FMN2: variants seen among roughly 807,000 people sequenced by gnomAD.
The protein encoded by FMN2 is formin-2.
Under a neutral mutation model 142.3 loss-of-function variants are expected in FMN2, and 51 were observed. The ratio of observed to expected loss-of-function variants is 0.36; its 90% CI spans 0.29 to 0.45. FMN2 has a LOEUF of 0.45. FMN2 is among the 20% of genes least tolerant of loss of function. FMN2 has a pLI of 1.00. For synonymous variants in FMN2, 882 were observed against 869.8 expected, an observed-to-expected ratio of 1.01 and a Z score of -0.25; for missense variants, 1,936 against 2,122.8, an observed-to-expected ratio of 0.91 and a Z score of 1.73.
At position 240,388,039 on chromosome 1, in the gene FMN2, G is replaced by A. The variant is rs186783498; in HGVS notation, c.4859-4472G>A. 1.2e-3 allele frequency among the ~76,000 whole-genome samples: 184 copies of A among 151,546 alleles called. 1 individual carries two copies. The highest frequency in any genetic ancestry group is 4.2e-3 in the African/African-American group (174 of 41,332). ...AAAAATACAAAAAATTAAGCCAGGCGTGGTGGCGGGTGCCTGTAGTCCCAG... is the reference window on the plus strand; with the variant it reads ...AAAAATACAAAAAATTAAGCCAGGCATGGTGGCGGGTGCCTGTAGTCCCAG... On this transcript the variant is annotated intron_variant, in intron 14 of 17. Transcript: ENST00000319653.
Position 240,123,285 on chromosome 1 carries a change from T to C in FMN2, c.1722T>C (p.Phe574=). Residue 574 remains phenylalanine (F), a synonymous_variant, in exon 2 of 18, where the codon TTT becomes TTC. Transcript: ENST00000319653. The stretch of plus-strand genomic sequence containing the variant: ...TTGCCATGGGTCTTCTCCTTCCTTT[T>C]AGTGATTGCTTCAGGGAACCGTGTA... ...RIIAMGLLLP[F]SDCFREPCNQ... The C allele has an allele frequency of 6.2e-7, 1 of 1,614,090 alleles. No homozygotes were observed. Among genetic ancestry groups the C allele is most frequent in the South Asian group, 1.1e-5 (1 of 91,076 alleles).
chr1:240,223,564 A>G (rs748225726), intron 6 of FMN2, among the ~76,000 whole-genome samples: 5 of 152,186 alleles, frequency 3.3e-5, no homozygotes, highest in Admixed American at 1.3e-4. Context: ...GAATGGTACC[A>G]GCTGGTCTTT....
intron 7 of FMN2, among the ~76,000 whole-genome samples, chr1:240,292,571 G>T (rs1669832408): frequency 2.0e-5 from 3 of 152,134 alleles, no homozygotes; most frequent in Admixed American, 2.0e-4. Flanking sequence ...ATTTGGGAAT[G>T]CTTATTTCCT....
At position 240,206,796 on chromosome 1, in the gene FMN2, C is replaced by T; in HGVS notation, c.1987-3C>T. 1 of 1,602,614 alleles carries T rather than the reference C, an allele frequency of 6.2e-7. No homozygotes were observed. Among genetic ancestry groups the T allele is most frequent in the African/African-American group, 1.3e-5 (1 of 74,740 alleles). ...AACTGTGTCTGTCCTTGTCGCCCTT[C>T]AGGAAGTTGTTGACATGAAGTCTGA... On this transcript the variant is annotated splice_polypyrimidine_tract_variant and splice_region_variant and intron_variant, in intron 4 of 17. Coordinates refer to ENST00000319653, the MANE Select transcript of FMN2 (RefSeq NM_020066.5).
At chr1:240,102,258 A>G (rs1018237575) in intron 1 of FMN2, among the ~76,000 whole-genome samples, 3 of 152,186 alleles carry the variant, frequency 2.0e-5, no homozygotes, top group Admixed American at 1.3e-4. Flanking sequence ...CATTGGCCTT[A>G]AACAAGTACA....
intron 1 of FMN2, among the ~76,000 whole-genome samples, chr1:240,103,938 G>GCGATCTCGGCTCACTGCAAGCTC (rs1661503523): frequency 6.6e-6 from 1 of 151,632 alleles, no homozygotes; most frequent in Non-Finnish European, 1.5e-5. Context: ...GTGCAGTGGT[G>GCGATCTCGGCTCACTGCAAGCTC]CGATCTCGGC....
chr1:240,465,036 T>C (rs1487501390), intron 16 of FMN2, among the ~76,000 whole-genome samples: 1 of 152,138 alleles, frequency 6.6e-6, no homozygotes, highest in Non-Finnish European at 1.5e-5. Flanking sequence ...TTGATTTTGT[T>C]TCCAGTATAT....
intron 8 of FMN2, among the ~76,000 whole-genome samples, chr1:240,313,861 C>G (rs1190557750): frequency 6.6e-6 from 1 of 152,018 alleles, no homozygotes; most frequent in African/African-American, 2.4e-5. Flanking sequence ...GTAGTCCCAG[C>G]TACTCAGGAG....
intron 13 of FMN2, among the ~76,000 whole-genome samples, chr1:240,344,954 A>G (rs1671860047): frequency 6.6e-6 from 1 of 152,204 alleles, no homozygotes; most frequent in South Asian, 2.1e-4. Context: ...GACCTGGTAT[A>G]AACAAATTAT....
intron 14 of FMN2, 43 bp downstream of exon 14, chr1:240,355,951 CAAAAAAAAAAAAAAAAAAAAAAAA>C: frequency 3.7e-4 from 93 of 249,566 alleles, no homozygotes; most frequent in Middle Eastern, 1.5e-3. Flanking sequence ...CCCCTTTCAG[CAAAAAAAAAAAAAAAAAAAAAAAA>C]AAAAAAAAAA....
At chr1:240,187,738 C>G (rs189605103) in intron 3 of FMN2, among the ~76,000 whole-genome samples, 1 of 152,284 alleles carries the variant, frequency 6.6e-6, no homozygotes, top group Non-Finnish European at 1.5e-5. Context: ...TCCCTTCTTA[C>G]TCAGTGTCTC....
chr1:240,418,803 A>G (rs1053056749), intron 15 of FMN2, among the ~76,000 whole-genome samples: 7 of 152,176 alleles, frequency 4.6e-5, no homozygotes, highest in African/African-American at 1.7e-4. Context: ...TCAGTTACCA[A>G]GAGTGTATAG....
At chr1:240,097,567 G>A (rs1399182936) in intron 1 of FMN2, among the ~76,000 whole-genome samples, 1 of 152,116 alleles carries the variant, frequency 6.6e-6, no homozygotes, top group Non-Finnish European at 1.5e-5. Context: ...GTGTTAGCCA[G>A]GATGGTCTTG....
chr1:240,326,174 G>A (rs1671164984), intron 8 of FMN2, among the ~76,000 whole-genome samples: 1 of 152,114 alleles, frequency 6.6e-6, no homozygotes, highest in African/African-American at 2.4e-5. Flanking sequence ...TACCTGAGGT[G>A]GAGTTAACTA....
chr1:240,145,111 G>A (rs1663385552), intron 2 of FMN2: 2 of 1,479,546 alleles, frequency 1.4e-6, no homozygotes, highest in Non-Finnish European at 1.9e-6. Context: ...CCAAAGTCAT[G>A]GAAGTTGTAG....
intron 15 of FMN2, among the ~76,000 whole-genome samples, chr1:240,415,947 CCTTCAG>C (rs1674563115): frequency 6.6e-6 from 1 of 152,184 alleles, no homozygotes; most frequent in African/African-American, 2.4e-5. Context: ...TCTCCAGCCT[CCTTCAG>C]CTTCTATTCT....
At chr1:240,200,022 T>C (rs79098473) in intron 4 of FMN2, among the ~76,000 whole-genome samples, 4,514 of 152,292 alleles carry the variant, frequency 0.03, 242 homozygotes, top group African/African-American at 0.1. Flanking sequence ...ATGAAAAGTG[T>C]ATCTCTTCAT....
chr1:240,430,947 T>A (rs1675150406), intron 15 of FMN2, among the ~76,000 whole-genome samples: 1 of 151,642 alleles, frequency 6.6e-6, no homozygotes, highest in South Asian at 2.1e-4. Flanking sequence ...CTTTACATTT[T>A]TACATAAATT....
chr1:240,110,640 C>T (rs1661776285), intron 1 of FMN2, among the ~76,000 whole-genome samples: 2 of 152,154 alleles, frequency 1.3e-5, no homozygotes, highest in East Asian at 1.9e-4. Context: ...GCTGATTCTA[C>T]AAGCTTCACT....
Sources: gnomAD v4.1 joint callset for allele counts (sites outside exome capture counted in the v4.1 genomes callset) on GRCh38, gnomAD v4.1.1 for gene constraint, MANE v1.5 for transcripts, NCBI Gene and HGNC (gene_info 2026-07-23, HGNC 2026-07-21) for gene names.